Variants in RECK observed in about 807,000 individuals in gnomAD.
The protein encoded by RECK is reversion-inducing cysteine-rich protein with Kazal motifs.
A neutral mutation model predicts 115.1 loss-of-function variants in RECK; 69 were observed. That is an observed-to-expected ratio of 0.60 (90% CI 0.49 to 0.73). The LOEUF (loss-of-function observed/expected upper bound fraction) is 0.73. Ranked by LOEUF, RECK falls within the 30% of genes least tolerant of loss-of-function variation. The pLI is 0.00. For missense variants in RECK, 1,047 were observed against 1,203.7 expected, an observed-to-expected ratio of 0.87 and a Z score of 1.93; for synonymous variants, 414 against 419.7, an observed-to-expected ratio of 0.99 and a Z score of 0.17.
In RECK at chr9:36,038,754, A is replaced by G. The variant is rs117507700; in HGVS notation, c.100+1656A>G. On this transcript the variant is annotated intron_variant, in intron 1 of 20. Coordinates refer to ENST00000377966, the MANE Select transcript of RECK (RefSeq NM_021111.3). Reference sequence around the variant, plus strand: ...ACCCTGTCTTATAAATTCACAAAACACATTAGATTCACAATAAAGGGTCCA... The same window carrying G: ...ACCCTGTCTTATAAATTCACAAAACGCATTAGATTCACAATAAAGGGTCCA... 2.6e-3 allele frequency among the ~76,000 whole-genome samples: 400 copies of G among 152,272 alleles called. 2 individuals carry two copies. Among genetic ancestry groups the G allele is most frequent in the Middle Eastern group, 6.8e-3 (2 of 294 alleles).
chr9:36,086,402 G>T (rs1188662106), intron 8 of RECK, among the ~76,000 whole-genome samples: 1 of 152,078 alleles, frequency 6.6e-6, no homozygotes, highest in South Asian at 2.1e-4. Context: ...AGAGTTGTTT[G>T]TTCCTCCCAG....
chr9:36,062,790 T>A (rs1470474295), intron 4 of RECK, among the ~76,000 whole-genome samples: 1 of 152,050 alleles, frequency 6.6e-6, no homozygotes, highest in African/African-American at 2.4e-5. Flanking sequence ...ATCTCCTACT[T>A]TTGCCTTAGG....
chr9:36,065,420 T>C (rs961969749), intron 5 of RECK, among the ~76,000 whole-genome samples, 157 bp from the exon 6 acceptor site: 1 of 152,126 alleles, frequency 6.6e-6, no homozygotes. Context: ...AATTTGTTTG[T>C]TGTATTTTAG....
intron 14 of RECK, among the ~76,000 whole-genome samples, chr9:36,108,565 G>T (rs1018475758): frequency 6.6e-6 from 1 of 152,086 alleles, no homozygotes; most frequent in Non-Finnish European, 1.5e-5. Flanking sequence ...TCTGCTCCAG[G>T]TCTAGTTGAC....
At chr9:36,091,117 T>C in intron 9 of RECK, 47 bp from the exon 10 acceptor site, 2 of 1,563,364 alleles carry the variant, frequency 1.3e-6, no homozygotes, top group Non-Finnish European at 1.8e-6. Context: ...ATCAAATATT[T>C]ACTTGGTTGG....
At chr9:36,122,801 G>T (rs1189588624) in intron 20 of RECK, 23 bp from the exon 21 acceptor site, 1 of 1,597,374 alleles carries the variant, frequency 6.3e-7, no homozygotes, top group Non-Finnish European at 8.6e-7. Flanking sequence ...TTTATATTAA[G>T]GGAACCTTGT....
intron 7 of RECK, among the ~76,000 whole-genome samples, chr9:36,081,662 C>T (rs528556497): frequency 2.0e-4 from 31 of 151,938 alleles, no homozygotes; most frequent in Non-Finnish European, 3.7e-4. Flanking sequence ...GGTGAAAACC[C>T]ATCTCTACTA....
chr9:36,100,193 G>A, intron 10 of RECK, 138 bp from the exon 11 acceptor site: 1 of 635,898 alleles, frequency 1.6e-6, no homozygotes, highest in African/African-American at 1.8e-5. Flanking sequence ...AATCGAAGCT[G>A]ATATCCTTTC....
intron 18 of RECK, among the ~76,000 whole-genome samples, chr9:36,120,405 G>C (rs892661587): frequency 1.3e-4 from 20 of 152,128 alleles, no homozygotes; most frequent in South Asian, 4.1e-4. Flanking sequence ...AAAGCCAGCT[G>C]TCTCTATGCT....
At chr9:36,104,310 ATATATATATATATATATT>A (rs1823691143) in intron 12 of RECK, among the ~76,000 whole-genome samples, 1 of 59,102 alleles carries the variant, frequency 1.7e-5, no homozygotes, top group African/African-American at 1.0e-4. Context: ...ATATATATAT[ATATATATATATATATATT>A]TTTTTTTTTT....
chr9:36,116,764 A>C (rs2132672613), intron 16 of RECK, among the ~76,000 whole-genome samples: 2 of 152,256 alleles, frequency 1.3e-5, no homozygotes, highest in South Asian at 2.1e-4. Context: ...CCCAGACGAG[A>C]ATGACTCATC....
At position 36,117,097 on chromosome 9, in the gene RECK, GAC is replaced by G. The variant is rs1824297708; in HGVS notation, c.2177_2178del (p.Thr726ArgfsTer40). On this transcript the variant is annotated frameshift_variant, in exon 17 of 21. Transcript: ENST00000377966. LOFTEE classifies it high-confidence loss of function. ...ACDQVQDPVC[D>X]TDHMEHNNLC... ...TGACCAGGTCCAAGATCCTGTTTGTGACACAGACCACATGGAGCACAACAATC... is the reference window on the plus strand; with the variant it reads ...TGACCAGGTCCAAGATCCTGTTTGTGACAGACCACATGGAGCACAACAATC... 1 of 1,614,046 alleles carries G rather than the reference GAC, an allele frequency of 6.2e-7. No homozygotes were observed. Among genetic ancestry groups the G allele is most frequent in the South Asian group, 1.1e-5 (1 of 91,082 alleles).
chr9:36,114,279 A>G (rs1272140790), intron 16 of RECK, among the ~76,000 whole-genome samples: 2 of 152,254 alleles, frequency 1.3e-5, no homozygotes, highest in African/African-American at 2.4e-5. Flanking sequence ...AGTGAATTTG[A>G]TAAACATCTA....
At chr9:36,045,760 C>T (rs533150612) in intron 1 of RECK, among the ~76,000 whole-genome samples, 1 of 151,958 alleles carries the variant, frequency 6.6e-6, no homozygotes, top group East Asian at 1.9e-4. Context: ...TTTTTTAAAG[C>T]TAGTTGGCTT....
intron 13 of RECK, among the ~76,000 whole-genome samples, chr9:36,105,706 G>C (rs1408714398): frequency 1.3e-5 from 2 of 151,964 alleles, no homozygotes; most frequent in African/African-American, 2.4e-5. Context: ...AGTATATAGA[G>C]AAATAGCATA....
At chr9:36,053,477 C>T (rs1464432183) in intron 2 of RECK, among the ~76,000 whole-genome samples, 3 of 152,192 alleles carry the variant, frequency 2.0e-5, no homozygotes, top group Admixed American at 2.0e-4. Flanking sequence ...TAAGACATGA[C>T]ACTGATTCAG....
chr9:36,114,382 C>T (rs913981739), intron 16 of RECK, among the ~76,000 whole-genome samples: 1 of 152,192 alleles, frequency 6.6e-6, no homozygotes, highest in African/African-American at 2.4e-5. Context: ...ATCTATCAGA[C>T]TGGCAAAGCT....
intron 10 of RECK, 139 bp downstream of exon 10, chr9:36,091,482 C>G (rs935857735): frequency 3.0e-6 from 2 of 670,678 alleles, no homozygotes; most frequent in Non-Finnish European, 4.6e-6. Flanking sequence ...ATGCAGTATT[C>G]CATCTGGTAA....
At chr9:36,090,559 G>A (rs527610637) in intron 9 of RECK, among the ~76,000 whole-genome samples, 1 of 152,252 alleles carries the variant, frequency 6.6e-6, no homozygotes, top group East Asian at 1.9e-4. Context: ...TGGTATAAAT[G>A]TTTTAGCTAT....
Sources: allele counts gnomAD v4.1 joint callset (sites outside exome capture counted in the v4.1 genomes callset), GRCh38; gene constraint gnomAD v4.1.1; transcripts MANE v1.5; gene names NCBI Gene and HGNC (gene_info 2026-07-23, HGNC 2026-07-21).